Variants in SIL1 observed in about 807,000 individuals in gnomAD.
SIL1 encodes SIL1 nucleotide exchange factor.
Under a neutral mutation model 49.1 loss-of-function variants are expected in SIL1, and 40 were observed. That is an observed-to-expected ratio of 0.81 (90% confidence interval 0.63 to 1.06). The LOEUF (loss-of-function observed/expected upper bound fraction) is 1.06. SIL1 is among the 50% of genes least tolerant of loss of function. SIL1 has a pLI of 0.00. For synonymous variants in SIL1, 253 were observed against 250.8 expected, an observed-to-expected ratio of 1.01 and a Z score of -0.08; for missense variants, 500 against 572.6, an observed-to-expected ratio of 0.87 and a Z score of 1.29.
At chr5:139,095,764 G>T (rs1237379092) in intron 3 of SIL1, among the ~76,000 whole-genome samples, 1 of 152,126 alleles carries the variant, frequency 6.6e-6, no homozygotes, top group South Asian at 2.1e-4. Context: ...GGAGGTCAAG[G>T]CTGCGGTGAG....
At chr5:139,108,456 C>T (rs1269435714) in intron 3 of SIL1, among the ~76,000 whole-genome samples, 2 of 152,270 alleles carry the variant, frequency 1.3e-5, no homozygotes, top group African/African-American at 2.4e-5. Context: ...GACACCTTGT[C>T]GTTAGTATTA....
chr5:139,167,466 T>C (rs1166961057), intron 1 of SIL1, among the ~76,000 whole-genome samples: 1 of 152,130 alleles, frequency 6.6e-6, no homozygotes, highest in Non-Finnish European at 1.5e-5. Context: ...ATTTTTGTCT[T>C]TATTTTTAAC....
At chr5:139,015,338 T>A (rs1673741417) in intron 7 of SIL1, among the ~76,000 whole-genome samples, 1 of 152,072 alleles carries the variant, frequency 6.6e-6, no homozygotes, top group Non-Finnish European at 1.5e-5. Flanking sequence ...TCAACAGGAT[T>A]TTTTTTTCAT....
intron 3 of SIL1, among the ~76,000 whole-genome samples, chr5:139,099,297 T>A (rs1014508619): frequency 3.9e-5 from 6 of 151,994 alleles, no homozygotes; most frequent in Non-Finnish European, 8.8e-5. Context: ...GGAGAGGATG[T>A]GGAAAAAAGG....
chr5:139,083,253 T>G (rs1262663439), intron 3 of SIL1, among the ~76,000 whole-genome samples: 1 of 152,224 alleles, frequency 6.6e-6, no homozygotes, highest in Non-Finnish European at 1.5e-5. Context: ...TTTCTTGCTT[T>G]ATGTTTTCTC....
chr5:138,949,592 G>A lies in SIL1; in HGVS notation c.1029+1579C>T, dbSNP rs368087216. On this transcript the variant is annotated intron_variant, in intron 9 of 9. Transcript: ENST00000394817. The stretch of plus-strand genomic sequence containing the variant: ...TACTTTGGGAAGCTGAGGCAGGACT[G>A]CTTGAGCCCAGGAGTTCAAGACCAG... Among the ~76,000 whole-genome samples, 4 of 152,002 alleles carry A rather than the reference G, an allele frequency of 2.6e-5. 1 individual carries two copies. In the South Asian group the frequency reaches 8.3e-4, roughly 32 times the overall value.
At chr5:139,000,664 T>C (rs1266226226) in intron 7 of SIL1, among the ~76,000 whole-genome samples, 1 of 152,118 alleles carries the variant, frequency 6.6e-6, no homozygotes, top group African/African-American at 2.4e-5. Context: ...AATATCTCTA[T>C]ACCTCAAGGA....
chr5:139,161,494 G>A (rs1446513708), intron 1 of SIL1, among the ~76,000 whole-genome samples: 1 of 152,182 alleles, frequency 6.6e-6, no homozygotes, highest in Non-Finnish European at 1.5e-5. Flanking sequence ...CAGGGCTACA[G>A]TTCTCAACAC....
intron 3 of SIL1, among the ~76,000 whole-genome samples, chr5:139,092,138 C>A (rs375467066): frequency 6.6e-6 from 1 of 152,150 alleles, no homozygotes; most frequent in African/African-American, 2.4e-5. Flanking sequence ...CAGGCTGCAT[C>A]GCTGGTACTG....
At chr5:139,106,760 T>C (rs1770722109) in intron 3 of SIL1, among the ~76,000 whole-genome samples, 4 of 152,166 alleles carry the variant, frequency 2.6e-5, no homozygotes, top group Admixed American at 2.6e-4. Flanking sequence ...GATGGCCACA[T>C]CAGTCATAAG....
chr5:138,957,756 C>T (rs537708888), intron 7 of SIL1, among the ~76,000 whole-genome samples: 1 of 152,164 alleles, frequency 6.6e-6, no homozygotes, highest in Non-Finnish European at 1.5e-5. Flanking sequence ...AGACCCTTTA[C>T]CCCTAAACAT....
intron 3 of SIL1, among the ~76,000 whole-genome samples, chr5:139,077,895 G>A (rs112416331): frequency 6.2e-4 from 94 of 152,248 alleles, no homozygotes; most frequent in African/African-American, 2.2e-3. Flanking sequence ...TAGTGTTGCG[G>A]GGGAGTGGTA....
chr5:139,098,018 C>T (rs572196922), intron 3 of SIL1, among the ~76,000 whole-genome samples: 1 of 152,250 alleles, frequency 6.6e-6, no homozygotes, highest in East Asian at 1.9e-4. Flanking sequence ...GTCCATAGTA[C>T]CCAAAGCAAT....
chr5:139,127,851 G>A lies in SIL1; in HGVS notation c.-8C>T. The A allele has an allele frequency of 1.3e-6, 2 of 1,582,880 alleles. No individual in the cohort carries two copies. The highest frequency in any genetic ancestry group is 1.7e-6 in the Non-Finnish European group (2 of 1,160,370). The stretch of plus-strand genomic sequence containing the variant: ...CAGGCTCTGGGGAGCCATAGTCAGG[G>A]ACCTGCAGGTGCAAGCATAGACAAC... On this transcript the variant is annotated splice_region_variant and 5_prime_UTR_variant, in exon 2 of 10. Transcript: ENST00000394817.
intron 3 of SIL1, among the ~76,000 whole-genome samples, chr5:139,087,034 T>C (rs1770239380): frequency 6.6e-6 from 1 of 151,980 alleles, no homozygotes; most frequent in Admixed American, 6.6e-5. Context: ...GGTCTTGCCA[T>C]GTTGCCCAGG....
chr5:138,957,276 A>T (rs1766922638), intron 7 of SIL1, among the ~76,000 whole-genome samples: 1 of 152,086 alleles, frequency 6.6e-6, no homozygotes, highest in African/African-American at 2.4e-5. Context: ...GCTTTAAAAA[A>T]TTACAGAAAA....
chr5:139,170,154 C>G (rs996744252), intron 1 of SIL1, among the ~76,000 whole-genome samples: 1 of 152,246 alleles, frequency 6.6e-6, no homozygotes, highest in Non-Finnish European at 1.5e-5. Flanking sequence ...CAGACGGAGT[C>G]TGGTTCACTC....
intron 1 of SIL1, among the ~76,000 whole-genome samples, chr5:139,151,441 A>C (rs750093397): frequency 3.2e-4 from 48 of 152,226 alleles, no homozygotes; most frequent in Non-Finnish European, 6.6e-4. Flanking sequence ...TGCTACTTTA[A>C]CAACACCTCC....
Position 139,042,727 on chromosome 5 carries a change from A to G in SIL1, c.354-8T>C, listed in dbSNP as rs746978169. 8.1e-6 allele frequency: 13 copies of G among 1,613,504 alleles called. No homozygotes were observed. In the African/African-American group the frequency reaches 9.3e-5, roughly 12 times the overall value. On this transcript the variant is annotated splice_polypyrimidine_tract_variant and splice_region_variant and intron_variant, in intron 4 of 9. Transcript: ENST00000394817. ...TTGGTGTTGATATCCAGCCTGTCCA[A>G]AGAAAACTGAGAGTAAAGAGGGAGG...
Sources: allele counts gnomAD v4.1 joint callset (sites outside exome capture counted in the v4.1 genomes callset), GRCh38; gene constraint gnomAD v4.1.1; transcripts MANE v1.5; gene names NCBI Gene and HGNC (gene_info 2026-07-23, HGNC 2026-07-21).